SLC9A2: variants seen among roughly 807,000 people sequenced by gnomAD.
The protein encoded by SLC9A2 is solute carrier family 9 member A2, also known as sodium/hydrogen exchanger 2.
Under a neutral mutation model 71.7 loss-of-function variants are expected in SLC9A2, and 42 were observed. The ratio of observed to expected loss-of-function variants is 0.59; its 90% CI spans 0.46 to 0.76. SLC9A2 has a LOEUF of 0.76. Ranked by LOEUF, SLC9A2 falls within the 30% of genes least tolerant of loss-of-function variation. The pLI is 0.00. For synonymous variants in SLC9A2, 396 were observed against 392.5 expected (o/e 1.01, Z -0.10); for missense variants, 829 against 1,017.4 (o/e 0.81, Z 2.52).
chr2:102,670,477 A>G (rs1677224982), intron 3 of SLC9A2, among the ~76,000 whole-genome samples: 1 of 152,012 alleles, frequency 6.6e-6, no homozygotes, highest in Non-Finnish European at 1.5e-5. Context: ...TTATGAATAA[A>G]TAAATCGAGG....
chr2:102,682,757 G>T (rs1176425634), intron 3 of SLC9A2, among the ~76,000 whole-genome samples: 1 of 152,206 alleles, frequency 6.6e-6, no homozygotes, highest in East Asian at 1.9e-4. Flanking sequence ...GAAAACAGTT[G>T]TTGACCAATT....
chr2:102,684,084 T>A, intron 4 of SLC9A2, 50 bp from the exon 5 acceptor site: 2 of 1,340,246 alleles, frequency 1.5e-6, no homozygotes, highest in Non-Finnish European at 2.1e-6. Flanking sequence ...TGTATTTTCA[T>A]ATTTTGGCCT....
At chr2:102,687,504 A>C (rs956368306) in intron 5 of SLC9A2, among the ~76,000 whole-genome samples, 1 of 152,186 alleles carries the variant, frequency 6.6e-6, no homozygotes, top group Non-Finnish European at 1.5e-5. Flanking sequence ...ATTCTTTTTC[A>C]AACGATGACT....
intron 1 of SLC9A2, among the ~76,000 whole-genome samples, chr2:102,644,445 T>C (rs1363151341): frequency 2.0e-5 from 3 of 152,058 alleles, no homozygotes; most frequent in East Asian, 3.9e-4. Flanking sequence ...CAGTGGCTCC[T>C]GGAATGCCAG....
intron 1 of SLC9A2, among the ~76,000 whole-genome samples, chr2:102,650,831 A>G (rs889334269): frequency 2.3e-4 from 35 of 152,262 alleles, no homozygotes; most frequent in African/African-American, 7.0e-4. Context: ...ATACTCTGAG[A>G]AGTGATGGCT....
Position 102,665,176 on chromosome 2 carries a change from A to G in SLC9A2, c.830A>G (p.Asn277Ser). 1.2e-6 allele frequency: 2 copies of G among 1,614,060 alleles called. No homozygotes were observed. The highest frequency in any genetic ancestry group is 4.5e-5 in the East Asian group (2 of 44,862). The change falls in exon 3 of 12, where the codon AAC becomes AGC. Residue 277 changes from asparagine to serine, a missense_variant. By Grantham distance (46) the Asn-to-Ser change is conservative. This residue lies in a region of SLC9A2 where 500 missense variants were observed against 726.3 expected (regional missense o/e 0.69). Coordinates refer to ENST00000233969, the MANE Select transcript of SLC9A2 (RefSeq NM_003048.6). Reference protein sequence around the residue: ...ETIDVFAGIANFFVVGIGGVL... With the variant: ...ETIDVFAGIASFFVVGIGGVL... ...ATTGATGTGTTTGCAGGAATCGCCA[A>G]CTTCTTTGTTGTGGGAATCGGTGGG...
At chr2:102,673,101 A>C (rs1027593659) in intron 3 of SLC9A2, among the ~76,000 whole-genome samples, 3 of 152,174 alleles carry the variant, frequency 2.0e-5, no homozygotes, top group Non-Finnish European at 4.4e-5. Context: ...TCAGGAATAC[A>C]TTATGAAGCT....
chr2:102,678,193 G>A (rs936216593), intron 3 of SLC9A2, among the ~76,000 whole-genome samples: 21 of 152,124 alleles, frequency 1.4e-4, no homozygotes, highest in African/African-American at 4.3e-4. Flanking sequence ...AAGAACTCTT[G>A]AAGGCAGAAA....
In SLC9A2 at chr2:102,664,951, A is replaced by G. The variant is rs1677105442; in HGVS notation, c.754-149A>G. ...TAAAGCTACAGTATTAAAATATGAG[A>G]CAAATGAATACACAATGATTGTCAT... On this transcript the variant is annotated intron_variant, in intron 2 of 11. Coordinates refer to ENST00000233969, the MANE Select transcript of SLC9A2 (RefSeq NM_003048.6). 13 of 808,490 alleles carry G rather than the reference A, an allele frequency of 1.6e-5. No individual in the cohort carries two copies. The South Asian group carries it at 1.7e-4, about 10-fold the overall frequency. The allele number at this position is 808,490 out of a possible 1,614,324, so 50.1% of individuals were successfully genotyped here.
At chr2:102,635,067 A>C (rs1011743174) in intron 1 of SLC9A2, among the ~76,000 whole-genome samples, 1 of 152,214 alleles carries the variant, frequency 6.6e-6, no homozygotes, top group African/African-American at 2.4e-5. Flanking sequence ...TGTTTCTTTC[A>C]GAATCTAGAT....
chr2:102,651,978 AT>A (rs1676844428), intron 1 of SLC9A2, among the ~76,000 whole-genome samples: 1 of 151,900 alleles, frequency 6.6e-6, no homozygotes, highest in Non-Finnish European at 1.5e-5. Context: ...GTTCTTTTTT[AT>A]TGCTAAAGAG....
chr2:102,642,528 G>T (rs1369398830), intron 1 of SLC9A2, among the ~76,000 whole-genome samples: 1 of 151,830 alleles, frequency 6.6e-6, no homozygotes, highest in Non-Finnish European at 1.5e-5. Flanking sequence ...AACTTCACTT[G>T]ATCCTGGTGC....
intron 1 of SLC9A2, among the ~76,000 whole-genome samples, chr2:102,640,180 C>T (rs1018571550): frequency 2.6e-5 from 4 of 152,182 alleles, no homozygotes; most frequent in African/African-American, 9.7e-5. Flanking sequence ...AGGTTAAGAG[C>T]CTTTTTCTTT....
intron 1 of SLC9A2, among the ~76,000 whole-genome samples, chr2:102,653,427 G>C (rs550984765): frequency 5.9e-5 from 9 of 152,174 alleles, no homozygotes; most frequent in Admixed American, 5.9e-4. Context: ...TGCCTCCTTT[G>C]GCATGATGTT....
At chr2:102,621,246 C>T (rs1163443313) in intron 1 of SLC9A2, among the ~76,000 whole-genome samples, 1 of 150,222 alleles carries the variant, frequency 6.7e-6, no homozygotes, top group African/African-American at 2.5e-5. Context: ...GAGGCGGGAG[C>T]CTGAGGGAGG....
At position 102,683,306 on chromosome 2, in the gene SLC9A2, T is replaced by C. The variant is rs775205472; in HGVS notation, c.1050T>C (p.Asn350=). 1.2e-6 allele frequency: 2 copies of C among 1,613,668 alleles called. No individual in the cohort carries two copies. The highest frequency in any genetic ancestry group is 2.2e-5 in the East Asian group (1 of 44,866). Reference sequence around the variant, plus strand: ...CTATGAATAAGTACGTAGAAGAAAATGTATCTCAGAAATCCTACACGACCA... The same window carrying C: ...CTATGAATAAGTACGTAGAAGAAAACGTATCTCAGAAATCCTACACGACCA... ...AMTMNKYVEE[N]VSQKSYTTIK... Residue 350 remains asparagine, a synonymous_variant, in exon 4 of 12, where the codon AAT becomes AAC. Transcript: ENST00000233969.
At chr2:102,670,240 T>G (rs1425127748) in intron 3 of SLC9A2, among the ~76,000 whole-genome samples, 1 of 151,224 alleles carries the variant, frequency 6.6e-6, no homozygotes, top group East Asian at 2.0e-4. Context: ...ATGGTCTCGA[T>G]CTCCTGACCT....
intron 7 of SLC9A2, among the ~76,000 whole-genome samples, chr2:102,698,494 C>G (rs1318619419): frequency 1.3e-5 from 2 of 152,150 alleles, no homozygotes; most frequent in African/African-American, 4.8e-5. Context: ...CTCAGCTGCT[C>G]AGAACACGTC....
chr2:102,678,011 C>T (rs1393536399), intron 3 of SLC9A2, among the ~76,000 whole-genome samples: 1 of 151,946 alleles, frequency 6.6e-6, no homozygotes, highest in African/African-American at 2.4e-5. Flanking sequence ...TTACTCACTT[C>T]CTCTTTTTCC....
Sources: allele counts gnomAD v4.1 joint callset (sites outside exome capture counted in the v4.1 genomes callset), GRCh38; gene constraint gnomAD v4.1.1; regional missense constraint gnomAD v4.1.1; transcripts MANE v1.5; gene names NCBI Gene and HGNC (gene_info 2026-07-23, HGNC 2026-07-21).